Variants in TRIM10 observed in about 807,000 individuals in gnomAD.
The protein encoded by TRIM10 is tripartite motif-containing protein 10.
TRIM10 carries 42 observed loss-of-function variants against 40.0 expected under a neutral mutation model. That is an observed-to-expected ratio of 1.05 (90% confidence interval 0.82 to 1.36). The LOEUF is 1.36. Among genes scored for constraint, TRIM10 ranks in the 40% most tolerant of loss-of-function variants. The probability of loss-of-function intolerance (pLI) is 0.00; values close to 1 mark genes in which losing one functional copy is unlikely to be tolerated. For missense variants in TRIM10, 601 were observed against 608.3 expected (o/e 0.99, Z 0.13); for synonymous variants, 260 against 239.5 (o/e 1.09, Z -0.79).
Position 30,154,073 on chromosome 6 carries a change from C to A in TRIM10, c.1342G>T (p.Val448Phe), listed in dbSNP as rs767040588. 6.2e-7 allele frequency: 1 copy of A among 1,612,380 alleles called. No homozygotes were observed. Among genetic ancestry groups the A allele is most frequent in the South Asian group, 1.1e-5 (1 of 91,034 alleles). ...EVGWVTFTNA[V>F]TREPIYTFTA... The stretch of plus-strand genomic sequence containing the variant: ...AAGGTGTAGATGGGCTCTCGGGTGA[C>A]AGCGTTGGTGAAGGTCACCCAGCCC... Residue 448 changes from valine (V) to phenylalanine (F), a missense_variant, in exon 7 of 7, where the codon GTC becomes TTC. Transcript: ENST00000449742.
intron 6 of TRIM10, 126 bp from the exon 7 acceptor site, chr6:30,154,612 G>T: frequency 8.0e-7 from 1 of 1,243,820 alleles, no homozygotes; most frequent in Non-Finnish European, 1.1e-6. Flanking sequence ...TAGTGCCTAC[G>T]TGGGCCAACA....
At position 30,153,705 on chromosome 6, in the gene TRIM10, T is replaced by G. The variant is rs1772229155; in HGVS notation, c.*264A>C. 6.2e-7 allele frequency: 1 copy of G among 1,612,660 alleles called. No homozygotes were observed. The highest frequency in any genetic ancestry group is 1.3e-5 in the African/African-American group (1 of 74,920). ...TGCCCTTTCTATGCAGCTACTTCTG[T>G]GCCAAGCACGGATGGTGGTGAGCAG... On this transcript the variant is annotated 3_prime_UTR_variant, in exon 7 of 7. Coordinates refer to ENST00000449742, the MANE Select transcript of TRIM10 (RefSeq NM_006778.4).
chr6:30,155,637 TCATAA>T, intron 6 of TRIM10, 85 bp downstream of exon 6: 1 of 1,170,268 alleles, frequency 8.5e-7, no homozygotes, highest in Non-Finnish European at 1.3e-6. Context: ...ATTGTCATAG[TCATAA>T]CATAGTCATA....
In TRIM10 at chr6:30,154,187, C is replaced by T. The variant is rs757418617; in HGVS notation, c.1228G>A (p.Gly410Ser). ...EGVWAVRLAWGFVSALGSFPT... is the reference protein window; with the variant it reads ...EGVWAVRLAWSFVSALGSFPT... ...AAGGAGCCCAGAGCCGAGACGAAGC[C>T]CCAAGCCAGCCTCACAGCCCACACC... The change falls in exon 7 of 7, where the codon GGC becomes AGC. Residue 410 changes from glycine to serine, a missense_variant. Transcript: ENST00000449742. 12 of 1,612,002 alleles carry T rather than the reference C, an allele frequency of 7.4e-6. No homozygotes were observed. Among genetic ancestry groups the T allele is most frequent in the Admixed American group, 1.7e-5 (1 of 59,992 alleles).
intron 6 of TRIM10, 64 bp downstream of exon 6, chr6:30,155,663 T>C: frequency 1.3e-6 from 2 of 1,552,462 alleles, no homozygotes; most frequent in South Asian, 1.1e-5. Flanking sequence ...GTGCAAATCC[T>C]GCAAAATTTT....
At chr6:30,155,800 A>G (rs1032557569) in intron 5 of TRIM10, 41 bp from the exon 6 acceptor site, 6 of 1,597,664 alleles carry the variant, frequency 3.8e-6, no homozygotes, top group Non-Finnish European at 5.1e-6. Flanking sequence ...TATTAGTCTT[A>G]CAAAACCATC....
chr6:30,153,465 G>GTTT lies in TRIM10; in HGVS notation c.*501_*503dup. On this transcript the variant is annotated 3_prime_UTR_variant, in exon 7 of 7. Coordinates refer to ENST00000449742, the MANE Select transcript of TRIM10 (RefSeq NM_006778.4). The stretch of plus-strand genomic sequence containing the variant: ...AAGAGCTCTTTCAGATATAGAGCAG[G>GTTT]TTTTTTTTTTCTCTATATTTTCAAG... The GTTT allele has an allele frequency of 2.0e-6, 1 of 508,150 alleles. No individual in the cohort carries two copies. Among genetic ancestry groups the GTTT allele is most frequent in the South Asian group, 2.7e-5 (1 of 37,522 alleles). The allele number at this position is 508,150 out of a possible 1,614,324, so 31.5% of individuals were successfully genotyped here.
At chr6:30,159,525 CA>C (rs1772884276) in intron 1 of TRIM10, among the ~76,000 whole-genome samples, 2 of 152,150 alleles carry the variant, frequency 1.3e-5, no homozygotes, top group Non-Finnish European at 1.5e-5. Flanking sequence ...TCAGGTTTAA[CA>C]TTCTATTGTG....
chr6:30,160,964 C>A lies in TRIM10; in HGVS notation c.-106G>T. ...ACCCACACATGCACATGGCTGGACA[C>A]AGGCACATACTAAATATGCACCAGC... On this transcript the variant is annotated 5_prime_UTR_variant, in exon 1 of 7. Transcript: ENST00000449742. The A allele has an allele frequency of 9.0e-7, 1 of 1,107,052 alleles. No homozygotes were observed. The highest frequency in any genetic ancestry group is 1.3e-6 in the Non-Finnish European group (1 of 795,066). The allele number at this position is 1,107,052 out of a possible 1,614,324, so 68.6% of individuals were successfully genotyped here.
chr6:30,157,247 T>C, intron 4 of TRIM10, 122 bp downstream of exon 4: 1 of 1,181,998 alleles, frequency 8.5e-7, no homozygotes, highest in Non-Finnish European at 1.2e-6. Flanking sequence ...TATATAGAGG[T>C]TTATATGTAA....
chr6:30,158,318 G>T, intron 3 of TRIM10, 81 bp downstream of exon 3: 1 of 1,201,444 alleles, frequency 8.3e-7, no homozygotes, highest in Non-Finnish European at 1.2e-6. Flanking sequence ...GTGTGAGTCA[G>T]GGAGACATGG....
Position 30,154,402 on chromosome 6 carries a change from C to A in TRIM10, c.1013G>T (p.Trp338Leu), listed in dbSNP as rs781124595. Residue 338 changes from tryptophan to leucine, a missense_variant, in exon 7 of 7, where the codon TGG (tryptophan) becomes TTG (leucine). Physicochemically the swap from Trp to Leu is moderately conservative, Grantham distance 61. Coordinates refer to ENST00000449742, the MANE Select transcript of TRIM10 (RefSeq NM_006778.4). ...TTGGGGGTTGTCTGGTGAGTTCTGCCATTTGTAGGAGAACTGAGCTCGCTG... is the reference window on the plus strand; with the variant it reads ...TTGGGGGTTGTCTGGTGAGTTCTGCAATTTGTAGGAGAACTGAGCTCGCTG... The part of the protein sequence containing the change: ...DHQRAQFSYK[W>L]QNSPDNPQRF... 1 of 1,612,952 alleles carries A rather than the reference C, an allele frequency of 6.2e-7. No individual in the cohort carries two copies. Among genetic ancestry groups the A allele is most frequent in the Non-Finnish European group, 8.5e-7 (1 of 1,179,976 alleles).
At chr6:30,155,348 C>G (rs889637002) in intron 6 of TRIM10, among the ~76,000 whole-genome samples, 1 of 152,136 alleles carries the variant, frequency 6.6e-6, no homozygotes, top group African/African-American at 2.4e-5. Flanking sequence ...AGATCAAAGT[C>G]CCCTTTATCC....
rs555759491 is a variant in TRIM10, at chr6:30,160,551, C to A, written c.308G>T (p.Gly103Val). ...LGEEDVCQEH[G>V]EKIYFFCEDD... ...CTCACAGAAGAAGTAGATCTTCTCT[C>A]CGTGCTCTTGGCAGACATCCTCCTC... Residue 103 changes from glycine (G) to valine (V), a missense_variant, in exon 1 of 7, where the codon GGA (glycine) becomes GTA (valine). Gly to Val is a moderately radical substitution (Grantham distance 109). Coordinates refer to ENST00000449742, the MANE Select transcript of TRIM10 (RefSeq NM_006778.4). 1 of 1,614,228 alleles carries A rather than the reference C, an allele frequency of 6.2e-7. No homozygotes were observed. Among genetic ancestry groups the A allele is most frequent in the African/African-American group, 1.3e-5 (1 of 75,050 alleles).
At chr6:30,156,432 T>C (rs1323180286) in intron 5 of TRIM10, among the ~76,000 whole-genome samples, 1 of 151,908 alleles carries the variant, frequency 6.6e-6, no homozygotes, top group Non-Finnish European at 1.5e-5. Context: ...CACCACTCCC[T>C]GTTCCGGAAA....
Position 30,160,837 on chromosome 6 carries a change from T to C in TRIM10, c.22A>G (p.Thr8Ala). 1 of 1,611,684 alleles carries C rather than the reference T, an allele frequency of 6.2e-7. No homozygotes were observed. Among genetic ancestry groups the C allele is most frequent in the East Asian group, 2.2e-5 (1 of 44,850 alleles). The part of the protein sequence containing the change: MASAASV[T>A]SLADEVNCPI... ...CAGTTGACTTCATCTGCCAGGCTGG[T>C]CACAGAGGCAGCAGAGGCCATGCTG... The change falls in exon 1 of 7, where the codon ACC (threonine) becomes GCC (alanine). Residue 8 changes from threonine (T) to alanine (A), a missense_variant. Physicochemically the swap from Thr to Ala is moderately conservative, Grantham distance 58. Coordinates refer to ENST00000449742, the MANE Select transcript of TRIM10 (RefSeq NM_006778.4).
At chr6:30,157,236 GTATATAGAGGTT>G (rs1304658061) in intron 4 of TRIM10, 121 bp downstream of exon 4, 16 of 1,119,076 alleles carry the variant, frequency 1.4e-5, no homozygotes, top group Middle Eastern at 2.3e-4. Context: ...AGGCATTTGG[GTATATAGAGGTT>G]TATATGTAAA....
At position 30,152,881 on chromosome 6, in the gene TRIM10, TG is replaced by T. The variant is rs2127433933; in HGVS notation, c.*1087del. The T allele has an allele frequency of 6.6e-6, 1 of 152,346 alleles. No individual in the cohort carries two copies. Among genetic ancestry groups the T allele is most frequent in the Non-Finnish European group, 1.5e-5 (1 of 68,032 alleles). 9.4% of individuals were successfully genotyped at this position (152,346 alleles called of 1,614,324 possible). On this transcript the variant is annotated 3_prime_UTR_variant, in exon 7 of 7. Coordinates refer to ENST00000449742, the MANE Select transcript of TRIM10 (RefSeq NM_006778.4). ...TTCATAGGTCATCCAACTTATGCCC[TG>T]GCCTCCTTCTGGAATTCTTTTACCT...
chr6:30,156,128 C>T (rs1772509891), intron 5 of TRIM10, among the ~76,000 whole-genome samples: 1 of 152,174 alleles, frequency 6.6e-6, no homozygotes, highest in Admixed American at 6.5e-5. Context: ...CAAGAAATAT[C>T]TGCTTAGTGA....
Sources: allele counts gnomAD v4.1 joint callset (sites outside exome capture counted in the v4.1 genomes callset), GRCh38; gene constraint gnomAD v4.1.1; transcripts MANE v1.5; gene names NCBI Gene and HGNC (gene_info 2026-07-23, HGNC 2026-07-21).